Variants in HADHB observed in about 807,000 individuals in gnomAD.
HADHB encodes the protein hydroxyacyl-CoA dehydrogenase trifunctional multienzyme complex subunit beta, also known as trifunctional enzyme subunit beta, mitochondrial.
HADHB carries 50 observed loss-of-function variants against 61.9 expected under a neutral mutation model. The observed-to-expected ratio is 0.81, with a 90% CI of 0.64 to 1.02. The LOEUF is 1.02. Among genes scored for constraint, HADHB ranks in the 50% least tolerant of loss-of-function variants. The pLI is 0.00. For synonymous variants in HADHB, 191 were observed against 201.6 expected (o/e 0.95, Z 0.45); for missense variants, 504 against 586.5 (o/e 0.86, Z 1.45).
intron 15 of HADHB, among the ~76,000 whole-genome samples, chr2:26,288,042 G>A (rs1662710225): frequency 6.6e-6 from 1 of 152,132 alleles, no homozygotes; most frequent in Non-Finnish European, 1.5e-5. Context: ...TAAGGCAGCT[G>A]GGTGGCTTGA....
Position 26,280,105 on chromosome 2 carries a change from CT to C in HADHB, c.925del (p.Ser309LeufsTer3), listed in dbSNP as rs1192109183. The part of the protein sequence containing the change: ...KPYGTVTAAN[S>X]SFLTDGASAM... ...TACGGCACAGTGACAGCTGCAAATT[CT>C]TCTTTCTTGGTAACTGTCAATGTTA... is the stretch of plus-strand genomic sequence containing the variant. On this transcript the variant is annotated frameshift_variant, in exon 10 of 16. Transcript: ENST00000317799. LOFTEE classifies it high-confidence loss of function. 3 of 1,612,502 alleles carry C rather than the reference CT, an allele frequency of 1.9e-6. No homozygotes were observed. The highest frequency in any genetic ancestry group is 2.5e-6 in the Non-Finnish European group (3 of 1,178,698).
Position 26,253,683 on chromosome 2 carries a change from G to C in HADHB, c.-8-564G>C, listed in dbSNP as rs113324503. Among the ~76,000 whole-genome samples the C allele has an allele frequency of 6.3e-3, 952 of 151,660 alleles. 8 individuals are homozygous for C. Among genetic ancestry groups the C allele is most frequent in the African/African-American group, 0.022 (890 of 41,378 alleles). ...CCTGGCCAACATGGCAAAACCCCATGTCTACTAAAAATACAAAAAATTAGC... is the reference window on the plus strand; with the variant it reads ...CCTGGCCAACATGGCAAAACCCCATCTCTACTAAAAATACAAAAAATTAGC... On this transcript the variant is annotated intron_variant, in intron 1 of 15. Transcript: ENST00000317799.
At chr2:26,267,920 G>A (rs1327989357) in intron 4 of HADHB, among the ~76,000 whole-genome samples, 2 of 152,050 alleles carry the variant, frequency 1.3e-5, no homozygotes, top group Non-Finnish European at 2.9e-5. Flanking sequence ...TAGGAGGATT[G>A]CTTGAGGCCA....
chr2:26,266,047 C>T (rs1672061469), intron 4 of HADHB, among the ~76,000 whole-genome samples: 1 of 151,422 alleles, frequency 6.6e-6, no homozygotes, highest in South Asian at 2.1e-4. Context: ...CACCTATCCC[C>T]AACGCCTCCT....
intron 3 of HADHB, among the ~76,000 whole-genome samples, chr2:26,255,925 G>C (rs944162665): frequency 2.0e-5 from 3 of 152,136 alleles, no homozygotes; most frequent in African/African-American, 7.2e-5. Context: ...CCAGGTCTTT[G>C]CTTTGCAAAG....
chr2:26,279,852 A>T, intron 9 of HADHB, 142 bp from the exon 10 acceptor site: 1 of 656,630 alleles, frequency 1.5e-6, no homozygotes, highest in Non-Finnish European at 2.7e-6. Flanking sequence ...TGATAATATG[A>T]TAATTATAAA....
intron 10 of HADHB, 62 bp downstream of exon 10, chr2:26,280,177 A>G (rs1672727034): frequency 7.4e-7 from 1 of 1,345,740 alleles, no homozygotes; most frequent in Admixed American, 1.7e-5. Flanking sequence ...CTCTGTAGAA[A>G]AGCCTAATAT....
At position 26,262,722 on chromosome 2, in the gene HADHB, C is replaced by T. The variant is rs72809674; in HGVS notation, c.110-658C>T. Among the ~76,000 whole-genome samples, 879 of 152,282 alleles carry T rather than the reference C, an allele frequency of 5.8e-3. 6 individuals carry two copies. Among genetic ancestry groups the T allele is most frequent in the Admixed American group, 0.012 (183 of 15,288 alleles). ...AAGCTATGTGAAGAGTGAACAATATCAATCATTGCAACTTCTAATATTAAG... is the reference window on the plus strand; with the variant it reads ...AAGCTATGTGAAGAGTGAACAATATTAATCATTGCAACTTCTAATATTAAG... On this transcript the variant is annotated intron_variant, in intron 3 of 15. Transcript: ENST00000317799.
rs10201087 is a variant in HADHB at position 26,254,109 on chromosome 2, A to G, written c.-8-138A>G. The G allele has an allele frequency of 0.85, 538,450 of 635,244 alleles. 239,693 individuals carry two copies. Among genetic ancestry groups the G allele is most frequent in the Non-Finnish European group, 0.93 (325,681 of 349,744 alleles). 39.4% of individuals were successfully genotyped at this position (635,244 alleles called of 1,614,324 possible). A position where few individuals can be genotyped will look rare whatever the true frequency, so the allele number is the denominator to read the frequency against. On this transcript the variant is annotated intron_variant, in intron 1 of 15. Transcript: ENST00000317799. ...GTGTTCCTATCATAATAATATTATT[A>G]GATGAAGAATAGTTGATAAGATTAA...
chr2:26,259,544 A>T (rs190377138), intron 3 of HADHB, among the ~76,000 whole-genome samples: 97 of 152,316 alleles, frequency 6.4e-4, no homozygotes, highest in African/African-American at 2.2e-3. Flanking sequence ...GTTATAGAAC[A>T]GCTGCCTTCA....
intron 4 of HADHB, among the ~76,000 whole-genome samples, chr2:26,266,655 G>A (rs573877436): frequency 3.1e-4 from 47 of 151,850 alleles, no homozygotes; most frequent in African/African-American, 1.0e-3. Context: ...TGAGGCGGGC[G>A]GATCACCTGA....
chr2:26,279,441 T>C, intron 9 of HADHB, 126 bp downstream of exon 9: 1 of 725,008 alleles, frequency 1.4e-6, no homozygotes, highest in South Asian at 1.5e-5. Context: ...CCTTTATTCT[T>C]AAATATGGAT....
chr2:26,259,019 T>C (rs1011804763), intron 3 of HADHB, among the ~76,000 whole-genome samples: 1 of 152,118 alleles, frequency 6.6e-6, no homozygotes, highest in African/African-American at 2.4e-5. Context: ...GATGAAACCC[T>C]CTCACCATGA....
At chr2:26,267,771 CAAAA>C (rs772133699) in intron 4 of HADHB, among the ~76,000 whole-genome samples, 1 of 67,460 alleles carries the variant, frequency 1.5e-5, no homozygotes, top group Non-Finnish European at 3.2e-5. Context: ...GACTCTGTCT[CAAAA>C]AAAAAAAAAA....
At chr2:26,249,309 G>A (rs181827116) in intron 1 of HADHB, among the ~76,000 whole-genome samples, 145 of 151,876 alleles carry the variant, frequency 9.5e-4, no homozygotes, top group Admixed American at 2.4e-3. Flanking sequence ...TCAGGAGTTC[G>A]AGACCAGCCT....
At chr2:26,275,651 G>A (rs1336485139) in intron 6 of HADHB, among the ~76,000 whole-genome samples, 1 of 152,170 alleles carries the variant, frequency 6.6e-6, no homozygotes, top group Non-Finnish European at 1.5e-5. Flanking sequence ...CTTCCTTTCG[G>A]ATTGGTTTAC....
intron 1 of HADHB, chr2:26,245,462 T>C (rs937953229): frequency 2.0e-5 from 3 of 151,830 alleles, no homozygotes; most frequent in African/African-American, 7.3e-5. Context: ...CTTTCGGGGC[T>C]TGAGTGTGGG....
chr2:26,284,157 T>C lies in HADHB; in HGVS notation c.1102T>C (p.Leu368=). Reference sequence around the variant, plus strand: ...TCCAAAAGTTCTAGAAAAGGCAGGATTGACCATGAATGATATTGATGCTTT... The same window carrying C: ...TCCAAAAGTTCTAGAAAAGGCAGGACTGACCATGAATGATATTGATGCTTT... The part of the protein sequence containing the change: ...ATPKVLEKAG[L]TMNDIDAFEF... Residue 368 remains leucine, a synonymous_variant, in exon 13 of 16, where the codon TTG becomes CTG. Coordinates refer to ENST00000317799, the MANE Select transcript of HADHB (RefSeq NM_000183.3). 6.2e-7 allele frequency: 1 copy of C among 1,603,166 alleles called. No homozygotes were observed. The highest frequency in any genetic ancestry group is 1.3e-5 in the African/African-American group (1 of 74,828).
At chr2:26,276,283 T>C (rs1182474377) in intron 6 of HADHB, among the ~76,000 whole-genome samples, 2 of 152,230 alleles carry the variant, frequency 1.3e-5, no homozygotes, top group African/African-American at 2.4e-5. Flanking sequence ...GCCGCTCAGA[T>C]GACAAATTAT....
Sources: gnomAD v4.1 joint callset for allele counts (sites outside exome capture counted in the v4.1 genomes callset) on GRCh38, gnomAD v4.1.1 for gene constraint, MANE v1.5 for transcripts, NCBI Gene and HGNC (gene_info 2026-07-23, HGNC 2026-07-21) for gene names.